The following RFX3 variants were observed in gnomAD, a reference collection of about 807,000 sequenced individuals.
RFX3 encodes regulatory factor X3.
Under a neutral mutation model 98.6 loss-of-function variants are expected in RFX3, and 14 were observed. The ratio of observed to expected loss-of-function variants is 0.14; its 90% CI spans 0.09 to 0.22. The LOEUF (loss-of-function observed/expected upper bound fraction) is 0.22, where lower values mean the gene tolerates loss of function less well. Among genes scored for constraint, RFX3 ranks in the 10% least tolerant of loss-of-function variants. RFX3 has a pLI of 1.00. For synonymous variants in RFX3, 383 were observed against 328.4 expected (o/e 1.17, Z -1.80); for missense variants, 639 against 926.9 (o/e 0.69, Z 4.03).
At chr9:3,431,033 A>C (rs1844611191) in intron 1 of RFX3, among the ~76,000 whole-genome samples, 1 of 152,234 alleles carries the variant, frequency 6.6e-6, no homozygotes, top group African/African-American at 2.4e-5. Flanking sequence ...ATGCCGTATT[A>C]AATAATAACT....
chr9:3,478,183 T>G (rs1251705256), intron 1 of RFX3, among the ~76,000 whole-genome samples: 2 of 152,182 alleles, frequency 1.3e-5, no homozygotes, highest in Non-Finnish European at 2.9e-5. Context: ...TGTCTCTGTG[T>G]GTTTTATTTC....
At chr9:3,457,286 T>C (rs1460407153) in intron 1 of RFX3, among the ~76,000 whole-genome samples, 1 of 152,132 alleles carries the variant, frequency 6.6e-6, no homozygotes, top group Non-Finnish European at 1.5e-5. Flanking sequence ...TTTAGTTTTC[T>C]GGCATCTCTG....
chr9:3,452,366 G>C (rs896752381), intron 1 of RFX3: 10 of 327,542 alleles, frequency 3.1e-5, no homozygotes, highest in Non-Finnish European at 5.3e-5. Flanking sequence ...CAAGGCAGGA[G>C]AACTGCTTGA....
intron 1 of RFX3, among the ~76,000 whole-genome samples, chr9:3,422,256 T>A (rs2132364192): frequency 6.6e-6 from 1 of 152,228 alleles, no homozygotes; most frequent in East Asian, 1.9e-4. Flanking sequence ...CCAGCAGGGC[T>A]GACTCCAGAG....
rs1420073248 is a variant in RFX3 at position 3,505,383 on chromosome 9, T to A, written c.-9+20364A>T. Among the ~76,000 whole-genome samples the A allele has an allele frequency of 2.5e-5, 3 of 119,638 alleles. No individual in the cohort carries two copies. In the Admixed American group the frequency reaches 2.7e-4, roughly 11 times the overall value. 78.5% of individuals were successfully genotyped at this position (119,638 alleles called of 152,430 possible). A position where few individuals can be genotyped will look rare whatever the true frequency, so the allele number is the denominator to read the frequency against. On this transcript the variant is annotated intron_variant, in intron 1 of 16. Transcript: ENST00000617270. ...TATATAAATATAAAATATTTTATAT[T>A]TATATAATATAAAATAAAATACTTT...
chr9:3,436,667 C>T (rs1388060647), intron 1 of RFX3, among the ~76,000 whole-genome samples: 3 of 152,098 alleles, frequency 2.0e-5, no homozygotes, highest in East Asian at 3.9e-4. Context: ...AACAATCCTT[C>T]GCATGAACTA....
rs1413721490 is a variant in RFX3, at chr9:3,222,941, G to A, written c.*2101C>T. 6.6e-6 allele frequency: 1 copy of A among 152,106 alleles called. No homozygotes were observed. The highest frequency in any genetic ancestry group is 6.6e-5 in the Admixed American group (1 of 15,258). 9.4% of individuals were successfully genotyped at this position (152,106 alleles called of 1,614,324 possible). ...AATATTTAAATTTTACTTAAGAAAT[G>A]TTGTTGATGTTATTTGAGTAGTCTG... On this transcript the variant is annotated 3_prime_UTR_variant, in exon 17 of 17. Transcript: ENST00000617270.
intron 1 of RFX3, among the ~76,000 whole-genome samples, chr9:3,397,400 GA>G (rs1187497641): frequency 2.0e-5 from 3 of 152,166 alleles, no homozygotes; most frequent in African/African-American, 7.2e-5. Flanking sequence ...TTTTAACTAA[GA>G]AATTTTTGAA....
intron 1 of RFX3, among the ~76,000 whole-genome samples, chr9:3,452,091 G>C (rs1036568065): frequency 6.6e-6 from 1 of 152,142 alleles, no homozygotes; most frequent in Non-Finnish European, 1.5e-5. Flanking sequence ...TATGAAACAA[G>C]ACAAACCTGC....
chr9:3,317,119 T>TACTAC (rs1239732037), intron 4 of RFX3, among the ~76,000 whole-genome samples: 2 of 152,110 alleles, frequency 1.3e-5, no homozygotes, highest in African/African-American at 4.8e-5. Context: ...CTTCAAACTA[T>TACTAC]ACTACAAGGC....
intron 3 of RFX3, among the ~76,000 whole-genome samples, chr9:3,337,785 T>C (rs959706862): frequency 1.3e-5 from 2 of 152,200 alleles, no homozygotes; most frequent in East Asian, 3.8e-4. Context: ...CATCTTTCAA[T>C]AAATTCTTTG....
intron 1 of RFX3, among the ~76,000 whole-genome samples, chr9:3,475,866 C>T (rs1056405351): frequency 2.0e-5 from 3 of 152,122 alleles, no homozygotes; most frequent in African/African-American, 7.2e-5. Context: ...GGAGACTCCC[C>T]TTCCCAGTCT....
At chr9:3,442,497 AC>A (rs1392811938) in intron 1 of RFX3, among the ~76,000 whole-genome samples, 3 of 152,222 alleles carry the variant, frequency 2.0e-5, no homozygotes, top group Non-Finnish European at 2.9e-5. Context: ...CTAAGGAGAC[AC>A]AAAAACTAAA....
At chr9:3,343,863 T>C (rs796826295) in intron 3 of RFX3, among the ~76,000 whole-genome samples, 34 of 152,224 alleles carry the variant, frequency 2.2e-4, no homozygotes, top group Admixed American at 7.2e-4. Flanking sequence ...TTGTGACAAA[T>C]GACCTCATGA....
At chr9:3,274,412 T>G (rs1824929070) in intron 9 of RFX3, among the ~76,000 whole-genome samples, 2 of 152,164 alleles carry the variant, frequency 1.3e-5, no homozygotes. Flanking sequence ...AGACTCTTCT[T>G]TCAAAAGAAG....
intron 13 of RFX3, among the ~76,000 whole-genome samples, chr9:3,259,290 A>G (rs978317841): frequency 1.3e-5 from 2 of 152,052 alleles, no homozygotes; most frequent in African/African-American, 4.8e-5. Flanking sequence ...TTTGCCAAGA[A>G]AAGATGATAA....
At chr9:3,439,209 A>G (rs964310528) in intron 1 of RFX3, among the ~76,000 whole-genome samples, 35 of 151,984 alleles carry the variant, frequency 2.3e-4, no homozygotes, top group Non-Finnish European at 3.7e-4. Context: ...CTAAATATCT[A>G]TATTAGAAAA....
At chr9:3,476,304 G>A (rs1031583599) in intron 1 of RFX3, among the ~76,000 whole-genome samples, 4 of 151,624 alleles carry the variant, frequency 2.6e-5, no homozygotes, top group East Asian at 1.9e-4. Flanking sequence ...CTCTTGCCTC[G>A]GCATCTGGAT....
intron 1 of RFX3, among the ~76,000 whole-genome samples, chr9:3,424,361 T>C (rs1455082219): frequency 9.5e-6 from 1 of 105,476 alleles, no homozygotes; most frequent in East Asian, 2.6e-4. Context: ...TTTTTTTTTT[T>C]TTTTTTTTTT....
Sources: gnomAD v4.1 joint callset for allele counts (sites outside exome capture counted in the v4.1 genomes callset) on GRCh38, gnomAD v4.1.1 for gene constraint, MANE v1.5 for transcripts, NCBI Gene and HGNC (gene_info 2026-07-23, HGNC 2026-07-21) for gene names.